The following AGBL1 variants were observed in gnomAD, a reference collection of about 807,000 sequenced individuals.
AGBL1 encodes AGBL carboxypeptidase 1.
AGBL1 carries 130 observed loss-of-function variants against 118.9 expected under a neutral mutation model. The ratio of observed to expected loss-of-function variants is 1.09; its 90% CI spans 0.95 to 1.26. The LOEUF is 1.26. AGBL1 is among the 50% of genes most tolerant of loss of function. AGBL1 has a pLI of 0.00. For missense variants in AGBL1, 1,584 were observed against 1,298.1 expected (o/e 1.22, Z -3.38); for synonymous variants, 555 against 478.9 (o/e 1.16, Z -2.08).
At chr15:86,807,822 A>G (rs751013658) in intron 22 of AGBL1, among the ~76,000 whole-genome samples, 169 of 152,296 alleles carry the variant, frequency 1.1e-3, no homozygotes, top group Middle Eastern at 3.4e-3. Context: ...TTTGTTATCA[A>G]ATAAAAAATT....
chr15:86,693,636 T>C (rs997827018), intron 22 of AGBL1, among the ~76,000 whole-genome samples: 1 of 152,140 alleles, frequency 6.6e-6, no homozygotes, highest in African/African-American at 2.4e-5. Context: ...TGCATTTGCT[T>C]TTTTGGGGAG....
intron 21 of AGBL1, among the ~76,000 whole-genome samples, chr15:86,621,525 G>A (rs924451096): frequency 2.6e-5 from 4 of 152,042 alleles, no homozygotes; most frequent in African/African-American, 9.7e-5. Flanking sequence ...TCTTCACAGG[G>A]CCATCTTCTC....
rs930911875 is a variant in AGBL1, at chr15:86,380,664, A to G, written c.2375-16702A>G. Among the ~76,000 whole-genome samples, 6 of 152,032 alleles carry G rather than the reference A, an allele frequency of 3.9e-5. No homozygotes were observed. The South Asian group carries it at 1.2e-3, about 32-fold the overall frequency. On this transcript the variant is annotated intron_variant, in intron 17 of 22. Coordinates refer to ENST00000614907, the MANE Select transcript of AGBL1 (RefSeq NM_001386094.1). ...TTTCTCTCTGTCTCTAAACCCTGCA[A>G]GAAAAAAGAAGTATTTCCATTAACT...
At chr15:86,580,553 ATTAAT>A (rs2084159827) in intron 21 of AGBL1, among the ~76,000 whole-genome samples, 1 of 152,062 alleles carries the variant, frequency 6.6e-6, no homozygotes, top group South Asian at 2.1e-4. Flanking sequence ...TTTATGGATC[ATTAAT>A]TTTTTTCCTT....
intron 22 of AGBL1, among the ~76,000 whole-genome samples, chr15:86,772,197 C>T (rs1224244413): frequency 3.3e-5 from 5 of 151,964 alleles, no homozygotes; most frequent in Admixed American, 6.6e-5. Context: ...TGGGGTTGAG[C>T]ACCTTCTACT....
intron 21 of AGBL1, among the ~76,000 whole-genome samples, chr15:86,665,786 G>A (rs990373552): frequency 1.3e-5 from 2 of 151,042 alleles, no homozygotes; most frequent in African/African-American, 4.9e-5. Flanking sequence ...TATATTTGGG[G>A]TAAGATTTTT....
chr15:86,970,504 C>G (rs148710913), intron 23 of AGBL1, among the ~76,000 whole-genome samples: 3 of 151,920 alleles, frequency 2.0e-5, no homozygotes, highest in Admixed American at 6.6e-5. Context: ...GGCTCAACGA[C>G]GTTGAGCTAT....
chr15:86,824,313 A>G (rs559510464), intron 22 of AGBL1, among the ~76,000 whole-genome samples: 20 of 152,224 alleles, frequency 1.3e-4, no homozygotes, highest in African/African-American at 3.8e-4. Flanking sequence ...CTGAAACTAA[A>G]ATTTAAAATA....
intron 11 of AGBL1, among the ~76,000 whole-genome samples, chr15:86,265,690 A>T (rs1202008808): frequency 6.6e-6 from 1 of 152,186 alleles, no homozygotes; most frequent in Admixed American, 6.5e-5. Context: ...TGAGAAACAG[A>T]TCACAAGGGC....
intron 5 of AGBL1, among the ~76,000 whole-genome samples, chr15:86,216,738 A>G (rs1034094772): frequency 6.6e-6 from 1 of 152,190 alleles, no homozygotes; most frequent in East Asian, 1.9e-4. Context: ...TAGAGTTGTC[A>G]GAGAAGTCTT....
chr15:86,576,004 C>T (rs956550104), intron 21 of AGBL1, among the ~76,000 whole-genome samples: 3 of 152,132 alleles, frequency 2.0e-5, no homozygotes, highest in African/African-American at 7.2e-5. Context: ...TGCAAACAAG[C>T]TTAACTCCCA....
chr15:86,738,842 T>C lies in AGBL1; in HGVS notation c.3158+64406T>C, dbSNP rs1042984145. On this transcript the variant is annotated intron_variant, in intron 22 of 22. Transcript: ENST00000614907. ...TGACCATGAAGCCACTTCTACATAC[T>C]TAAAAAAATATCCCAGCCAGGCTTG... 2.0e-5 allele frequency among the ~76,000 whole-genome samples: 3 copies of C among 152,156 alleles called. No individual in the cohort carries two copies. The East Asian group carries it at 5.8e-4, about 29-fold the overall frequency.
intron 18 of AGBL1, among the ~76,000 whole-genome samples, chr15:86,445,776 A>G (rs1279208507): frequency 1.3e-5 from 2 of 152,226 alleles, no homozygotes; most frequent in Non-Finnish European, 2.9e-5. Flanking sequence ...AAGGAAAGGG[A>G]GCTTGGTGTC....
chr15:86,760,694 T>C (rs1210274573), intron 22 of AGBL1, among the ~76,000 whole-genome samples: 1 of 152,106 alleles, frequency 6.6e-6, no homozygotes, highest in Admixed American at 6.6e-5. Flanking sequence ...TAGATTTCTT[T>C]CCTTTGGCAG....
At chr15:86,353,608 A>G (rs893089810) in intron 17 of AGBL1, among the ~76,000 whole-genome samples, 4 of 152,232 alleles carry the variant, frequency 2.6e-5, no homozygotes, top group African/African-American at 9.6e-5. Flanking sequence ...TTATGATAAA[A>G]TCATTTGAAG....
At position 87,028,964 on chromosome 15, in the gene AGBL1, ATCATCCC is replaced by A. The variant is rs2081761362; in HGVS notation, c.*126_*132del. 2.8e-6 allele frequency: 3 copies of A among 1,086,536 alleles called. No homozygotes were observed. The African/African-American group carries it at 4.7e-5, about 17-fold the overall frequency. The allele number at this position is 1,086,536 out of a possible 1,614,324, so 67.3% of individuals were successfully genotyped here. A position where few individuals can be genotyped will look rare whatever the true frequency, so the allele number is the denominator to read the frequency against. On this transcript the variant is annotated 3_prime_UTR_variant, in exon 25 of 25. Coordinates refer to the AGBL1 transcript ENST00000441037. ...CATGTCTTATGGAAAATGTTGCTCC[ATCATCCC>A]TGCACTCCCTTATCTAGTATATCTA...
At chr15:86,666,690 TACATA>T (rs2085650863) in intron 21 of AGBL1, among the ~76,000 whole-genome samples, 1 of 152,238 alleles carries the variant, frequency 6.6e-6, no homozygotes, top group Non-Finnish European at 1.5e-5. Flanking sequence ...AATAAGTACT[TACATA>T]ATATGCAGTG....
chr15:86,219,203 AC>A (rs368692321), intron 5 of AGBL1, among the ~76,000 whole-genome samples: 40 of 152,278 alleles, frequency 2.6e-4, no homozygotes, highest in Non-Finnish European at 4.3e-4. Flanking sequence ...GCCTGCAAAC[AC>A]ATATACAGAG....
At chr15:86,197,667 T>C (rs2077836433) in intron 5 of AGBL1, among the ~76,000 whole-genome samples, 1 of 152,174 alleles carries the variant, frequency 6.6e-6, no homozygotes, top group African/African-American at 2.4e-5. Context: ...ATTTAGTAAA[T>C]TCTCAGCCTA....
Sources: allele counts gnomAD v4.1 joint callset (sites outside exome capture counted in the v4.1 genomes callset), GRCh38; gene constraint gnomAD v4.1.1; transcripts MANE v1.5; gene names NCBI Gene and HGNC (gene_info 2026-07-23, HGNC 2026-07-21).